The following NLGN1 variants were observed in gnomAD, a reference collection of about 807,000 sequenced individuals.
NLGN1 encodes the protein neuroligin-1.
Under a neutral mutation model 65.5 loss-of-function variants are expected in NLGN1, and 12 were observed. The ratio of observed to expected loss-of-function variants is 0.18; its 90% CI spans 0.12 to 0.30. The LOEUF is 0.30. Ranked by LOEUF, NLGN1 falls within the 10% of genes least tolerant of loss-of-function variation. The probability of loss-of-function intolerance (pLI) is 1.00; values close to 1 mark genes in which losing one functional copy is unlikely to be tolerated. For missense variants in NLGN1, 750 were observed against 1,007.1 expected (o/e 0.74, Z 3.46); for synonymous variants, 350 against 359.5 (o/e 0.97, Z 0.30).
At chr3:173,455,075 G>A (rs1228557381) in intron 2 of NLGN1, among the ~76,000 whole-genome samples, 14 of 152,202 alleles carry the variant, frequency 9.2e-5, no homozygotes, top group Admixed American at 9.2e-4. Context: ...TTAGATGGCT[G>A]CAGTTCACAG....
intron 4 of NLGN1, among the ~76,000 whole-genome samples, chr3:174,199,134 A>G (rs1733989084): frequency 6.6e-6 from 1 of 152,132 alleles, no homozygotes; most frequent in Non-Finnish European, 1.5e-5. Context: ...GGCGTGAGCC[A>G]CCGCGCCCGT....
chr3:173,562,036 G>GT (rs1353873287), intron 2 of NLGN1, among the ~76,000 whole-genome samples: 2 of 152,202 alleles, frequency 1.3e-5, no homozygotes, highest in South Asian at 2.1e-4. Context: ...TCGTTTGTTT[G>GT]TTTTTTTAGA....
At chr3:173,452,320 G>GACT (rs1483247400) in intron 2 of NLGN1, among the ~76,000 whole-genome samples, 1 of 152,038 alleles carries the variant, frequency 6.6e-6, no homozygotes, top group African/African-American at 2.4e-5. Flanking sequence ...AAGTAGCTGG[G>GACT]ACTACAGGTG....
chr3:173,972,283 A>G (rs1469273237), intron 4 of NLGN1, among the ~76,000 whole-genome samples: 1 of 152,076 alleles, frequency 6.6e-6, no homozygotes, highest in Non-Finnish European at 1.5e-5. Flanking sequence ...ATTATTCTTT[A>G]GGGCTGGCTT....
chr3:173,978,715 G>A (rs1718073795), intron 4 of NLGN1, among the ~76,000 whole-genome samples: 1 of 151,720 alleles, frequency 6.6e-6, no homozygotes, highest in Non-Finnish European at 1.5e-5. Context: ...GTAAAATGAG[G>A]CCGGGCATGG....
chr3:173,491,781 G>A (rs1181112184), intron 2 of NLGN1, among the ~76,000 whole-genome samples: 1 of 151,600 alleles, frequency 6.6e-6, no homozygotes, highest in African/African-American at 2.4e-5. Context: ...CCTAAACTGA[G>A]CATTATTTCC....
intron 2 of NLGN1, among the ~76,000 whole-genome samples, chr3:173,497,194 G>A (rs1304616367): frequency 2.6e-5 from 4 of 151,712 alleles, no homozygotes; most frequent in African/African-American, 9.7e-5. Context: ...GACCAGCCTG[G>A]CCAATATGGC....
At chr3:174,198,323 T>C (rs1356704948) in intron 4 of NLGN1, among the ~76,000 whole-genome samples, 1 of 152,232 alleles carries the variant, frequency 6.6e-6, no homozygotes, top group South Asian at 2.1e-4. Flanking sequence ...AGCTAGTGAC[T>C]ATAGAGTTTG....
chr3:173,968,397 G>T (rs1006614026), intron 4 of NLGN1, among the ~76,000 whole-genome samples: 1 of 151,924 alleles, frequency 6.6e-6, no homozygotes, highest in East Asian at 1.9e-4. Context: ...CTGATTATGG[G>T]ATATATCTGT....
the NLGN1 span, among the ~76,000 whole-genome samples, chr3:174,294,359 A>G: frequency 2.6e-5 from 4 of 151,756 alleles, no homozygotes; most frequent in Admixed American, 2.6e-4. Context: ...AAATAAAATC[A>G]GTACTTTTGG....
At chr3:173,686,974 A>G (rs200275953) in intron 3 of NLGN1, among the ~76,000 whole-genome samples, 1 of 151,954 alleles carries the variant, frequency 6.6e-6, no homozygotes, top group East Asian at 1.9e-4. Flanking sequence ...AAAAAAAGAT[A>G]CTTGTGAACC....
At chr3:174,198,954 TCTC>T (rs1733962836) in intron 4 of NLGN1, among the ~76,000 whole-genome samples, 1 of 146,450 alleles carries the variant, frequency 6.8e-6, no homozygotes, top group South Asian at 2.2e-4. Flanking sequence ...TTCAAGCAAT[TCTC>T]CTGCCTCAGC....
intron 3 of NLGN1, among the ~76,000 whole-genome samples, chr3:173,770,873 G>A (rs1313951539): frequency 6.6e-6 from 1 of 152,110 alleles, no homozygotes; most frequent in East Asian, 1.9e-4. Context: ...CCATGAAGAG[G>A]CTTTCAACCT....
At position 174,104,558 on chromosome 3, in the gene NLGN1, C is replaced by T. The variant is rs549206654; in HGVS notation, c.647-170757C>T. Among the ~76,000 whole-genome samples, 9 of 152,080 alleles carry T rather than the reference C, an allele frequency of 5.9e-5. 1 individual carries two copies. The South Asian group carries it at 1.9e-3, about 32-fold the overall frequency. On this transcript the variant is annotated intron_variant, in intron 4 of 6. Transcript: ENST00000457714. The stretch of plus-strand genomic sequence containing the variant: ...TTTAAAATACAGCATGTAAGTTAGA[C>T]ACGTAGGAACATTAAATGTAATCTA...
intron 4 of NLGN1, among the ~76,000 whole-genome samples, chr3:174,249,309 G>T (rs1007593614): frequency 2.0e-5 from 3 of 152,016 alleles, no homozygotes; most frequent in African/African-American, 7.3e-5. Context: ...CTCTACACTT[G>T]GTGCCTTCTG....
intron 3 of NLGN1, among the ~76,000 whole-genome samples, chr3:173,654,962 A>T (rs13059553): frequency 0.018 from 2,763 of 152,014 alleles, 55 homozygotes; most frequent in Admixed American, 0.057. Context: ...CTGAAGCCAG[A>T]CTCCTTGGTT....
At chr3:173,508,870 C>A (rs996811704) in intron 2 of NLGN1, among the ~76,000 whole-genome samples, 22 of 152,182 alleles carry the variant, frequency 1.4e-4, no homozygotes, top group African/African-American at 5.3e-4. Flanking sequence ...CCAGCCCGAA[C>A]TCTTTTCTTG....
intron 2 of NLGN1, among the ~76,000 whole-genome samples, chr3:173,511,908 T>A: frequency 6.6e-6 from 1 of 152,324 alleles, no homozygotes; most frequent in East Asian, 1.9e-4. Context: ...TTCCTTACCT[T>A]ATAATTATAT....
At chr3:174,166,645 A>ATGT (rs1206570034) in intron 4 of NLGN1, among the ~76,000 whole-genome samples, 4 of 152,076 alleles carry the variant, frequency 2.6e-5, no homozygotes, top group African/African-American at 9.7e-5. Flanking sequence ...GATGAGGAGA[A>ATGT]TGTATATCCT....
Sources: gnomAD v4.1 joint callset for allele counts (sites outside exome capture counted in the v4.1 genomes callset) on GRCh38, gnomAD v4.1.1 for gene constraint, MANE v1.5 for transcripts, NCBI Gene and HGNC (gene_info 2026-07-23, HGNC 2026-07-21) for gene names.